DPH6: variants seen among roughly 807,000 people sequenced by gnomAD.
DPH6 encodes diphthamine biosynthesis 6.
Under a neutral mutation model 38.2 loss-of-function variants are expected in DPH6, and 33 were observed. The ratio of observed to expected loss-of-function variants is 0.86; its 90% CI spans 0.65 to 1.15. The LOEUF is 1.15. DPH6 is among the 50% of genes most tolerant of loss of function. DPH6 has a pLI of 0.00. For missense variants in DPH6, 325 were observed against 320.0 expected (o/e 1.02, Z -0.12); for synonymous variants, 108 against 103.0 (o/e 1.05, Z -0.30).
Position 35,251,701 on chromosome 15 carries a change from G to A in DPH6, n.201-31119C>T, listed in dbSNP as rs1308112288. 3.3e-5 allele frequency among the ~76,000 whole-genome samples: 5 copies of A among 152,136 alleles called. No individual in the cohort carries two copies. The South Asian group carries it at 8.3e-4, about 25-fold the overall frequency. On this transcript the variant is annotated intron_variant and non_coding_transcript_variant, in intron 3 of 3. Coordinates refer to the DPH6 transcript ENST00000560386. ...TCTGCTTCCCCTCTTATGTCCTGTT[G>A]TATTGACTCATAAAATCTCAAACTC...
chr15:35,416,341 A>G (rs2053436182), intron 5 of DPH6, among the ~76,000 whole-genome samples: 1 of 152,096 alleles, frequency 6.6e-6, no homozygotes, highest in African/African-American at 2.4e-5. Context: ...GCAGAATGTA[A>G]GAAATAAACA....
intron 3 of DPH6, chr15:35,237,204 C>T: frequency 7.7e-6 from 6 of 782,794 alleles, no homozygotes; most frequent in South Asian, 7.5e-5. Context: ...TTAGCGTGTG[C>T]CGGGGGTGCT....
chr15:35,280,612 CAT>C (rs1322440861), intron 3 of DPH6, among the ~76,000 whole-genome samples: 4 of 152,166 alleles, frequency 2.6e-5, no homozygotes, highest in African/African-American at 9.7e-5. Context: ...ATTAGGTTTT[CAT>C]AGCTACAGAG....
chr15:35,247,579 C>T lies in DPH6; in HGVS notation n.201-26997G>A, dbSNP rs952901176. Among the ~76,000 whole-genome samples the T allele has an allele frequency of 2.6e-5, 4 of 152,128 alleles. No individual in the cohort carries two copies. The South Asian group carries it at 8.3e-4, about 32-fold the overall frequency. ...AGCCCCAGGTAATTAATAGGAACTT[C>T]AAGACTAGAGAAGACCTGCTTTCAG... is the stretch of plus-strand genomic sequence containing the variant. On this transcript the variant is annotated intron_variant and non_coding_transcript_variant, in intron 3 of 3. Transcript: ENST00000560386.
the DPH6 span, among the ~76,000 whole-genome samples, chr15:35,178,246 C>T: frequency 6.6e-6 from 1 of 152,126 alleles, no homozygotes; most frequent in African/African-American, 2.4e-5. Flanking sequence ...TTAGTCTGTT[C>T]TCACACTGCT....
At chr15:35,444,204 C>T (rs1322022743) in intron 5 of DPH6, among the ~76,000 whole-genome samples, 1 of 152,100 alleles carries the variant, frequency 6.6e-6, no homozygotes, top group Admixed American at 6.6e-5. Context: ...ATTCGGGATT[C>T]CATTTGGCTT....
At chr15:35,462,845 T>A (rs1490289917) in intron 3 of DPH6, among the ~76,000 whole-genome samples, 1 of 152,174 alleles carries the variant, frequency 6.6e-6, no homozygotes, top group East Asian at 1.9e-4. Context: ...ATTAAATAAA[T>A]ATTTATAACT....
Position 35,227,030 on chromosome 15 carries a change from A to G in DPH6, n.201-6448T>C, listed in dbSNP as rs1409372677. Among the ~76,000 whole-genome samples, 3 of 151,542 alleles carry G rather than the reference A, an allele frequency of 2.0e-5. No individual in the cohort carries two copies. In the South Asian group the frequency reaches 6.3e-4, roughly 32 times the overall value. ...TGTTATAGGTCTGCTCAGGTTTTGG[A>G]TTTCTTCCTGTTTCAATCTTGGTAG... On this transcript the variant is annotated intron_variant and non_coding_transcript_variant, in intron 3 of 3. Transcript: ENST00000560386.
intron 3 of DPH6, among the ~76,000 whole-genome samples, chr15:35,478,869 T>C (rs1336502809): frequency 2.6e-5 from 4 of 152,050 alleles, no homozygotes; most frequent in Admixed American, 2.6e-4. Flanking sequence ...GAGCATATTA[T>C]GATTTTCAAA....
chr15:35,431,799 T>C (rs1032215096), intron 5 of DPH6, among the ~76,000 whole-genome samples: 1 of 152,200 alleles, frequency 6.6e-6, no homozygotes, highest in African/African-American at 2.4e-5. Context: ...CAAAGTTTTT[T>C]TTTTTGGAGA....
chr15:35,496,592 C>A (rs1179608902), intron 3 of DPH6, among the ~76,000 whole-genome samples: 14 of 37,320 alleles, frequency 3.8e-4, no homozygotes, highest in East Asian at 3.0e-3. Context: ...ATATATATAT[C>A]CTCTACCAAT....
intron 6 of DPH6, chr15:35,401,752 G>A: frequency 1.4e-6 from 1 of 692,296 alleles, no homozygotes; most frequent in Non-Finnish European, 2.7e-6. Flanking sequence ...AGCTACGACA[G>A]TGGCAGAAGA....
At chr15:35,457,983 A>T (rs758208562) in intron 3 of DPH6, among the ~76,000 whole-genome samples, 2 of 152,166 alleles carry the variant, frequency 1.3e-5, no homozygotes, top group Non-Finnish European at 2.9e-5. Flanking sequence ...TCTCAAGTCC[A>T]TTAATATAAG....
intron 3 of DPH6, among the ~76,000 whole-genome samples, chr15:35,228,491 C>T (rs1403835969): frequency 6.6e-6 from 1 of 152,150 alleles, no homozygotes; most frequent in Non-Finnish European, 1.5e-5. Context: ...TGCAGTGGCA[C>T]AATTTCAGCT....
At position 35,317,362 on chromosome 15, in the gene DPH6, GAAAGAAAGAAAAGGAAAGAA is replaced by G. The variant is rs372740614; in HGVS notation, n.200+56139_200+56158del. Among the ~76,000 whole-genome samples the G allele has an allele frequency of 9.6e-4, 135 of 140,600 alleles. 3 individuals carry two copies. The Middle Eastern group carries it at 0.011, about 12-fold the overall frequency. The allele number at this position is 140,600 out of a possible 152,430, so 92.2% of individuals were successfully genotyped here. ...AAGGAAAGAAAAAGAAAGAGAGAAAGAAAGAAAGAAAAGGAAAGAAAAAGAAAGAAAAGGAAAGAAAAAGA... is the reference window on the plus strand; with the variant it reads ...AAGGAAAGAAAAAGAAAGAGAGAAAGAAAGAAAGAAAAGGAAAGAAAAAGA... On this transcript the variant is annotated intron_variant and non_coding_transcript_variant, in intron 3 of 3. Transcript: ENST00000560386.
At chr15:35,275,706 C>T (rs768960588) in intron 3 of DPH6, among the ~76,000 whole-genome samples, 18 of 143,310 alleles carry the variant, frequency 1.3e-4, no homozygotes, top group Non-Finnish European at 1.8e-4. Context: ...TATCTCAGAC[C>T]TTAAAGTAAA....
the DPH6 span, among the ~76,000 whole-genome samples, chr15:35,194,766 G>GC: frequency 6.6e-6 from 1 of 152,116 alleles, no homozygotes; most frequent in African/African-American, 2.4e-5. Flanking sequence ...AAATCTCACA[G>GC]CAACAGTATG....
intron 3 of DPH6, among the ~76,000 whole-genome samples, chr15:35,337,837 T>C (rs2140872762): frequency 6.6e-6 from 1 of 152,096 alleles, no homozygotes; most frequent in Non-Finnish European, 1.5e-5. Context: ...AACAGAGATA[T>C]AGACCAATGG....
At chr15:35,176,507 T>C in the DPH6 span, among the ~76,000 whole-genome samples, 1 of 152,008 alleles carries the variant, frequency 6.6e-6, no homozygotes, top group East Asian at 1.9e-4. Flanking sequence ...GTTTCACTCT[T>C]GTTGCCCAGG....
Sources: gnomAD v4.1 joint callset for allele counts (sites outside exome capture counted in the v4.1 genomes callset) on GRCh38, gnomAD v4.1.1 for gene constraint, MANE v1.5 for transcripts, NCBI Gene and HGNC (gene_info 2026-07-23, HGNC 2026-07-21) for gene names.